GCN1: variants seen among roughly 807,000 people sequenced by gnomAD.
GCN1 encodes GCN1 activator of EIF2AK4.
A neutral mutation model predicts 288.4 loss-of-function variants in GCN1; 90 were observed. The observed-to-expected ratio is 0.31, with a 90% CI of 0.26 to 0.37. The LOEUF (loss-of-function observed/expected upper bound fraction) is 0.37, where lower values mean the gene tolerates loss of function less well. GCN1 is among the 10% of genes least tolerant of loss of function. The pLI is 1.00. For missense variants in GCN1, 2,586 were observed against 3,419.9 expected, an observed-to-expected ratio of 0.76 and a Z score of 6.08; for synonymous variants, 1,386 against 1,420.2, an observed-to-expected ratio of 0.98 and a Z score of 0.54.
At position 120,129,320 on chromosome 12, in the gene GCN1, T is replaced by G. The variant is rs749146416; in HGVS notation, c.7846A>C (p.Ile2616Leu). The change falls in exon 57 of 58, where the codon ATT becomes CTT. Residue 2616 changes from isoleucine to leucine, a missense_variant. Physicochemically the swap from Ile to Leu is conservative, Grantham distance 5. This residue lies in a region of GCN1 where 355 missense variants were observed against 431.1 expected (regional missense o/e 0.82). Coordinates refer to ENST00000300648, the MANE Select transcript of GCN1 (RefSeq NM_006836.2). ...TGCCGCATCTTGAGGAGGTTGACAA[T>G]TGCCTGGTCGCTGTAGGCCCTGACC... ...TVVRAYSDQA[I>L]VNLLKMRQGE... 6.2e-7 allele frequency: 1 copy of G among 1,614,146 alleles called. No individual in the cohort carries two copies. The highest frequency in any genetic ancestry group is 8.5e-7 in the Non-Finnish European group (1 of 1,180,008).
At chr12:120,130,569 T>A in intron 56 of GCN1, 77 bp downstream of exon 56, 1 of 937,830 alleles carries the variant, frequency 1.1e-6, no homozygotes, top group Non-Finnish European at 1.8e-6. Flanking sequence ...GAGGGCGCAC[T>A]GCTGGTGGTC....
At chr12:120,143,588 G>GCAA (rs1877267267) in intron 42 of GCN1, among the ~76,000 whole-genome samples, 1 of 119,570 alleles carries the variant, frequency 8.4e-6, no homozygotes. Flanking sequence ...TCTCAAAAAG[G>GCAA]AAAAAAAAAA....
At position 120,190,303 on chromosome 12, in the gene GCN1, C is replaced by T. The variant is rs1190164778; in HGVS notation, c.116G>A (p.Gly39Glu). The change falls in exon 2 of 58, where the codon GGA becomes GAA. Residue 39 changes from glycine to glutamate, a missense_variant. Around this residue, in one of 8 missense-constraint regions of GCN1, gnomAD observed 913 missense variants for 1,107.0 expected, o/e 0.82. Coordinates refer to ENST00000300648, the MANE Select transcript of GCN1 (RefSeq NM_006836.2). ...TGTGGATGAAAAATAAATACCTTTT[C>T]CAGCAACACACTTCCCAAGTTCACT... ...ILSELGKCVA[G>E]KDLPEGAVKG... The T allele has an allele frequency of 6.7e-7, 1 of 1,501,584 alleles. No homozygotes were observed. Among genetic ancestry groups the T allele is most frequent in the Non-Finnish European group, 9.3e-7 (1 of 1,078,000 alleles). 93.0% of individuals were successfully genotyped at this position (1,501,584 alleles called of 1,614,324 possible). A position where few individuals can be genotyped will look rare whatever the true frequency, so the allele number is the denominator to read the frequency against.
intron 38 of GCN1, among the ~76,000 whole-genome samples, chr12:120,145,988 C>T (rs745957010): frequency 7.9e-5 from 12 of 151,890 alleles, no homozygotes; most frequent in African/African-American, 1.7e-4. Flanking sequence ...AGTAATTGGC[C>T]GGGCACGGTG....
chr12:120,141,159 C>A (rs1877182460), intron 44 of GCN1, 136 bp from the exon 45 acceptor site: 1 of 727,628 alleles, frequency 1.4e-6, no homozygotes, highest in Admixed American at 2.6e-5. Flanking sequence ...AATGCTCTTA[C>A]CCCTAAAGAG....
At chr12:120,165,418 C>T (rs1300003238) in intron 16 of GCN1, among the ~76,000 whole-genome samples, 1 of 152,158 alleles carries the variant, frequency 6.6e-6, no homozygotes, top group Non-Finnish European at 1.5e-5. Flanking sequence ...GATCCACCTG[C>T]CTCGGTCTCC....
rs372829636 is a variant in GCN1, at chr12:120,161,508, G to C, written c.2418C>G (p.Ile806Met). 6.2e-7 allele frequency: 1 copy of C among 1,612,798 alleles called. No individual in the cohort carries two copies. Among genetic ancestry groups the C allele is most frequent in the South Asian group, 1.1e-5 (1 of 91,060 alleles). Residue 806 changes from isoleucine to methionine, a missense_variant, in exon 22 of 58, where the codon ATC (isoleucine) becomes ATG (methionine). This residue lies in a region of GCN1 where 913 missense variants were observed against 1,107.0 expected (regional missense o/e 0.82). Transcript: ENST00000300648. ...TACTCACCTCCTTCAGCTCCAGCTC[G>C]ATGATCTGCTCTTTGAAGGAATAAG... ...NKAYSFKEQI[I>M]ELELKEEIKK...
intron 13 of GCN1, 64 bp downstream of exon 13, chr12:120,174,007 A>G: frequency 9.0e-7 from 1 of 1,116,328 alleles, no homozygotes; most frequent in Non-Finnish European, 1.4e-6. Flanking sequence ...GAAAGCTCCA[A>G]CTGTGAAAAA....
At chr12:120,162,299 C>G in intron 20 of GCN1, 1 of 539,474 alleles carries the variant, frequency 1.9e-6, no homozygotes, top group South Asian at 2.2e-5. Flanking sequence ...TTCTCAATCT[C>G]CGTGGTTCAG....
chr12:120,129,884 T>C (rs754750465), intron 56 of GCN1, among the ~76,000 whole-genome samples: 3 of 152,172 alleles, frequency 2.0e-5, no homozygotes, highest in Non-Finnish European at 4.4e-5. Context: ...GTCCTCCCCA[T>C]GGGCTCCAGG....
intron 1 of GCN1, among the ~76,000 whole-genome samples, chr12:120,192,897 A>G (rs1566324080): frequency 1.0e-4 from 15 of 143,140 alleles, no homozygotes; most frequent in African/African-American, 2.6e-5. Context: ...CTAGCCGGGC[A>G]TGGTGGCGCA....
At chr12:120,129,700 T>G (rs1348140230) in intron 56 of GCN1, among the ~76,000 whole-genome samples, 1 of 152,134 alleles carries the variant, frequency 6.6e-6, no homozygotes, top group Non-Finnish European at 1.5e-5. Flanking sequence ...TCAGCCCGCA[T>G]GCGTTTTTAC....
Position 120,178,630 on chromosome 12 carries a change from G to A in GCN1, c.655C>T (p.His219Tyr). 1 of 1,614,186 alleles carries A rather than the reference G, an allele frequency of 6.2e-7. No individual in the cohort carries two copies. ...CACTCTGCCTTGGCACTTGCCTTGT[G>A]CTGACTGACCACGTCCATCTCCTTG... ...SHKEMDVVSQHKSALLDFYMK... is the reference protein window; with the variant it reads ...SHKEMDVVSQYKSALLDFYMK... Residue 219 changes from histidine (H) to tyrosine (Y), a missense_variant, in exon 7 of 58, where the codon CAC becomes TAC. This residue lies in a region of GCN1 where 913 missense variants were observed against 1,107.0 expected (regional missense o/e 0.82). Transcript: ENST00000300648.
At chr12:120,162,173 AC>A in intron 20 of GCN1, 115 bp from the exon 21 acceptor site, 1 of 823,242 alleles carries the variant, frequency 1.2e-6, no homozygotes, top group South Asian at 1.7e-5. Context: ...CTGCCTTGTT[AC>A]TCCTGGGCAA....
At chr12:120,138,223 C>A (rs1187131814) in intron 47 of GCN1, 100 bp downstream of exon 47, 4 of 956,220 alleles carry the variant, frequency 4.2e-6, no homozygotes, top group African/African-American at 1.6e-5. Context: ...CCTCCTCCCC[C>A]AGCCCTCCAA....
chr12:120,136,078 A>G (rs1876995104), intron 51 of GCN1, among the ~76,000 whole-genome samples: 1 of 152,164 alleles, frequency 6.6e-6, no homozygotes, highest in African/African-American at 2.4e-5. Flanking sequence ...TCTTTAAACA[A>G]TGTTTTCCTT....
intron 34 of GCN1, 97 bp downstream of exon 34, chr12:120,151,048 A>G (rs4503602): frequency 0.79 from 1,065,141 of 1,351,134 alleles, 424,022 homozygotes; most frequent in East Asian, 1. Flanking sequence ...CGCACAAGCA[A>G]CGGCCTCCAC....
At chr12:120,152,970 G>A (rs571527230) in intron 33 of GCN1, among the ~76,000 whole-genome samples, 2 of 152,026 alleles carry the variant, frequency 1.3e-5, no homozygotes, top group East Asian at 3.9e-4. Flanking sequence ...TAAACCAGGT[G>A]AGTAGAAAAA....
intron 17 of GCN1, 57 bp from the exon 18 acceptor site, chr12:120,164,552 G>A (rs983735064): frequency 6.2e-7 from 1 of 1,601,388 alleles, no homozygotes; most frequent in Admixed American, 1.7e-5. Context: ...GCTTTCCACA[G>A]CCAACCCTTC....
Sources: gnomAD v4.1 joint callset for allele counts (sites outside exome capture counted in the v4.1 genomes callset) on GRCh38, gnomAD v4.1.1 for gene constraint, gnomAD v4.1.1 regional missense constraint, MANE v1.5 for transcripts, NCBI Gene and HGNC (gene_info 2026-07-23, HGNC 2026-07-21) for gene names.